The following HMCN1 variants were observed in gnomAD, a reference collection of about 807,000 sequenced individuals.
HMCN1 encodes the protein hemicentin 1, also known as hemicentin-1.
Under a neutral mutation model 625.9 loss-of-function variants are expected in HMCN1, and 321 were observed. The ratio of observed to expected loss-of-function variants is 0.51; its 90% CI spans 0.47 to 0.56. The LOEUF (loss-of-function observed/expected upper bound fraction) is 0.56, where lower values mean the gene tolerates loss of function less well. Among genes scored for constraint, HMCN1 ranks in the 20% least tolerant of loss-of-function variants. HMCN1 has a pLI of 0.00. For missense variants in HMCN1, 6,588 were observed against 6,887.3 expected (o/e 0.96, Z 1.54); for synonymous variants, 2,425 against 2,417.6 (o/e 1.00, Z -0.09).
chr1:186,004,290 G>A (rs537073790), intron 29 of HMCN1, among the ~76,000 whole-genome samples: 3 of 152,288 alleles, frequency 2.0e-5, no homozygotes, highest in South Asian at 4.1e-4. Context: ...CTGCTGAGGT[G>A]TGCCTACATC....
At chr1:185,888,095 A>G (rs1021821285) in intron 4 of HMCN1, among the ~76,000 whole-genome samples, 10 of 134,708 alleles carry the variant, frequency 7.4e-5, no homozygotes, top group African/African-American at 3.1e-4. Context: ...TTTTGGCTGC[A>G]TAAATGTCTT....
intron 97 of HMCN1, among the ~76,000 whole-genome samples, chr1:186,158,731 A>T (rs1473891787): frequency 1.3e-5 from 2 of 152,230 alleles, no homozygotes; most frequent in Admixed American, 1.3e-4. Flanking sequence ...GGTTTGTCAA[A>T]GATCAGATAG....
intron 1 of HMCN1, among the ~76,000 whole-genome samples, chr1:185,793,312 C>T (rs915877882): frequency 7.2e-5 from 11 of 152,162 alleles, no homozygotes; most frequent in African/African-American, 9.7e-5. Context: ...CCTTGCCTTT[C>T]CCAGCTTTTA....
In HMCN1 at chr1:185,784,532, GC is replaced by G. The variant is rs375007400; in HGVS notation, c.268+49486del. 7.5e-4 allele frequency among the ~76,000 whole-genome samples: 114 copies of G among 151,456 alleles called. 1 individual carries two copies. Among genetic ancestry groups the G allele is most frequent in the South Asian group, 4.2e-4 (2 of 4,808 alleles). On this transcript the variant is annotated intron_variant, in intron 1 of 106. Coordinates refer to ENST00000271588, the MANE Select transcript of HMCN1 (RefSeq NM_031935.3). ...TCTCTTTTTTTTTTGCCTTTTTATT[GC>G]TGGAAATTAAGTGGGTTGGTTTTGA...
chr1:186,007,123 T>C lies in HMCN1; in HGVS notation c.4476-5T>C. The C allele has an allele frequency of 2.5e-6, 4 of 1,608,756 alleles. No homozygotes were observed. Among genetic ancestry groups the C allele is most frequent in the Non-Finnish European group, 3.4e-6 (4 of 1,175,334 alleles). On this transcript the variant is annotated splice_polypyrimidine_tract_variant and splice_region_variant and intron_variant, in intron 29 of 106. Transcript: ENST00000271588. ...ACCCATGGAATAAAGTTTTATTTTT[T>C]CTAGGCCTTTATTTTTGGGCGATCC...
At chr1:185,803,204 G>GAAAAAAAAAAAAAAAAA (rs1557981375) in intron 1 of HMCN1, among the ~76,000 whole-genome samples, 4 of 23,710 alleles carry the variant, frequency 1.7e-4, no homozygotes, top group Non-Finnish European at 2.5e-4. Context: ...AAAAAAAAAA[G>GAAAAAAAAAAAAAAAAA]CAAAAAAAAA....
At chr1:186,023,478 T>C (rs1654858344) in intron 36 of HMCN1, among the ~76,000 whole-genome samples, 1 of 152,124 alleles carries the variant, frequency 6.6e-6, no homozygotes, top group Non-Finnish European at 1.5e-5. Flanking sequence ...GACAGCATTG[T>C]TTCTTAATCT....
chr1:185,864,680 AT>A, intron 3 of HMCN1, 52 bp downstream of exon 3: 1 of 1,548,798 alleles, frequency 6.5e-7, no homozygotes, highest in South Asian at 1.1e-5. Context: ...TATGTAAGAG[AT>A]TGCCTGTCCT....
At chr1:185,757,846 C>T (rs1655232719) in intron 1 of HMCN1, among the ~76,000 whole-genome samples, 1 of 152,024 alleles carries the variant, frequency 6.6e-6, no homozygotes, top group South Asian at 2.1e-4. Flanking sequence ...CCTTGGAGTC[C>T]CCAGTGTATT....
intron 36 of HMCN1, among the ~76,000 whole-genome samples, chr1:186,032,852 T>C (rs1655555765): frequency 6.6e-6 from 1 of 152,072 alleles, no homozygotes; most frequent in Non-Finnish European, 1.5e-5. Flanking sequence ...GAGAACAGTA[T>C]GAAGATTCCT....
At chr1:185,849,236 T>C (rs1473814206) in intron 2 of HMCN1, among the ~76,000 whole-genome samples, 1 of 152,194 alleles carries the variant, frequency 6.6e-6, no homozygotes, top group Non-Finnish European at 1.5e-5. Context: ...TTTTTGCACA[T>C]GCTGTTCTCG....
chr1:186,001,154 T>C, intron 26 of HMCN1, 144 bp from the exon 27 acceptor site: 1 of 689,522 alleles, frequency 1.5e-6, no homozygotes, highest in Non-Finnish European at 2.4e-6. Context: ...TTTTTAATTT[T>C]ATAACAAAGC....
intron 105 of HMCN1, among the ~76,000 whole-genome samples, chr1:186,186,875 T>C (rs1441130468): frequency 1.3e-5 from 2 of 152,062 alleles, no homozygotes; most frequent in African/African-American, 4.8e-5. Context: ...AAACCATTGC[T>C]CTAAAATACC....
At chr1:185,894,504 C>T (rs1665366251) in intron 4 of HMCN1, among the ~76,000 whole-genome samples, 1 of 152,132 alleles carries the variant, frequency 6.6e-6, no homozygotes, top group Non-Finnish European at 1.5e-5. Context: ...TTTCTTGGAT[C>T]TGTATCTAGA....
intron 11 of HMCN1, among the ~76,000 whole-genome samples, chr1:185,936,575 C>T (rs1667822730): frequency 6.6e-6 from 1 of 151,972 alleles, no homozygotes; most frequent in South Asian, 2.1e-4. Flanking sequence ...ATGCTATTTT[C>T]TCATACTCAT....
chr1:186,149,059 G>C (rs1201509905), intron 93 of HMCN1, among the ~76,000 whole-genome samples: 1 of 151,974 alleles, frequency 6.6e-6, no homozygotes, highest in Non-Finnish European at 1.5e-5. Flanking sequence ...ATAGCACAGA[G>C]GCAGAGTAGA....
Position 186,039,824 on chromosome 1 carries a change from G to C in HMCN1, c.6125G>C (p.Ser2042Thr), listed in dbSNP as rs1656089998. Residue 2042 changes from serine to threonine, a missense_variant, in exon 39 of 107, where the codon AGT (serine) becomes ACT (threonine). Around this residue, in one of 3 missense-constraint regions of HMCN1, gnomAD observed 4,628 missense variants for 4,853.1 expected, o/e 0.95. Transcript: ENST00000271588. Reference protein sequence around the residue: ...ECEARGIPAPSLTWLKDGSPV... With the variant: ...ECEARGIPAPTLTWLKDGSPV... ...GAAGCCAGAGGTATTCCTGCCCCAA[G>C]TCTGACCTGGTTGAAAGATGGGAGT... 1 of 1,613,446 alleles carries C rather than the reference G, an allele frequency of 6.2e-7. No homozygotes were observed. The highest frequency in any genetic ancestry group is 8.5e-7 in the Non-Finnish European group (1 of 1,179,594).
intron 80 of HMCN1, among the ~76,000 whole-genome samples, chr1:186,122,013 C>G (rs550772401): frequency 6.6e-6 from 1 of 152,262 alleles, no homozygotes; most frequent in South Asian, 2.1e-4. Context: ...GTTTCAGCAA[C>G]ACAGAGGTCG....
chr1:186,086,814 TGATAGATAGATAGATAGATA>T (rs10523445), intron 58 of HMCN1, among the ~76,000 whole-genome samples: 59 of 73,714 alleles, frequency 8.0e-4, no homozygotes, highest in Middle Eastern at 5.4e-3. Flanking sequence ...GATAGATAGA[TGATAGATAGATAGATAGATA>T]GATAGATAGA....
Sources: gnomAD v4.1 joint callset for allele counts (sites outside exome capture counted in the v4.1 genomes callset) on GRCh38, gnomAD v4.1.1 for gene constraint, gnomAD v4.1.1 regional missense constraint, MANE v1.5 for transcripts, NCBI Gene and HGNC (gene_info 2026-07-23, HGNC 2026-07-21) for gene names.